Variants in DYNC1I2 observed in about 807,000 individuals in gnomAD.
DYNC1I2 encodes cytoplasmic dynein 1 intermediate chain 2.
A neutral mutation model predicts 88.6 loss-of-function variants in DYNC1I2; 53 were observed. The ratio of observed to expected loss-of-function variants is 0.60; its 90% CI spans 0.48 to 0.75. The LOEUF is 0.75. DYNC1I2 is among the 30% of genes least tolerant of loss of function. DYNC1I2 has a pLI of 0.00. For missense variants in DYNC1I2, 458 were observed against 766.6 expected (o/e 0.60, Z 4.75); for synonymous variants, 198 against 254.6 (o/e 0.78, Z 2.12).
At chr2:171,689,056 G>A (rs1032700044) in intron 1 of DYNC1I2, among the ~76,000 whole-genome samples, 4 of 152,052 alleles carry the variant, frequency 2.6e-5, no homozygotes, top group Non-Finnish European at 5.9e-5. Flanking sequence ...TCAAGCTGAA[G>A]TAGTGTTTAT....
At chr2:171,717,309 T>G (rs934243618) in intron 7 of DYNC1I2, among the ~76,000 whole-genome samples, 6 of 152,034 alleles carry the variant, frequency 3.9e-5, no homozygotes, top group Non-Finnish European at 8.8e-5. Context: ...GAGATAGGGT[T>G]TCACCATGTT....
intron 3 of DYNC1I2, among the ~76,000 whole-genome samples, chr2:171,701,270 A>C (rs1686237984): frequency 6.6e-6 from 1 of 152,134 alleles, no homozygotes; most frequent in Non-Finnish European, 1.5e-5. Flanking sequence ...CCCAGGTTCA[A>C]GCAATTCCCC....
chr2:171,704,498 G>A (rs116539725), intron 3 of DYNC1I2, among the ~76,000 whole-genome samples: 1 of 152,006 alleles, frequency 6.6e-6, no homozygotes, highest in Non-Finnish European at 1.5e-5. Context: ...GGCTGTTTAT[G>A]TGCAGAACTG....
chr2:171,739,967 C>T (rs575161392), intron 15 of DYNC1I2, among the ~76,000 whole-genome samples: 14 of 152,178 alleles, frequency 9.2e-5, no homozygotes, highest in African/African-American at 2.4e-4. Flanking sequence ...CAGCCCTCCT[C>T]GGCTTTCCAA....
chr2:171,709,473 A>G (rs1335920408), intron 5 of DYNC1I2, among the ~76,000 whole-genome samples: 1 of 152,226 alleles, frequency 6.6e-6, no homozygotes, highest in Non-Finnish European at 1.5e-5. Flanking sequence ...TTGCTTTCAT[A>G]GAATTTACAT....
intron 3 of DYNC1I2, among the ~76,000 whole-genome samples, chr2:171,697,417 C>G (rs1229227931): frequency 6.6e-6 from 1 of 152,192 alleles, no homozygotes; most frequent in East Asian, 1.9e-4. Context: ...GGTTTGTAGA[C>G]TGTCTCCCCT....
chr2:171,724,801 A>G (rs905188477), intron 7 of DYNC1I2, among the ~76,000 whole-genome samples: 1 of 152,244 alleles, frequency 6.6e-6, no homozygotes. Context: ...GTGTGTAGCA[A>G]AAGAAAAGGT....
chr2:171,700,867 G>A (rs1019747506), intron 3 of DYNC1I2, among the ~76,000 whole-genome samples: 3 of 152,034 alleles, frequency 2.0e-5, no homozygotes, highest in African/African-American at 2.4e-5. Context: ...TCCTGACCTC[G>A]TGATCCACCC....
intron 15 of DYNC1I2, among the ~76,000 whole-genome samples, chr2:171,738,963 A>ACATGGTGAAACCCCAT (rs1427390853): frequency 1.3e-5 from 2 of 152,168 alleles, no homozygotes; most frequent in Non-Finnish European, 2.9e-5. Flanking sequence ...AGCCTGGCCA[A>ACATGGTGAAACCCCAT]CATGGTGAAA....
intron 15 of DYNC1I2, among the ~76,000 whole-genome samples, chr2:171,738,081 C>T (rs1403555469): frequency 1.3e-5 from 2 of 151,858 alleles, no homozygotes; most frequent in Non-Finnish European, 2.9e-5. Context: ...ACTGTAATTC[C>T]AGCACTTTGG....
At chr2:171,746,655 G>A (rs1394867720) in intron 17 of DYNC1I2, among the ~76,000 whole-genome samples, 1 of 152,110 alleles carries the variant, frequency 6.6e-6, no homozygotes, top group African/African-American at 2.4e-5. Flanking sequence ...TTCTGTACCT[G>A]CACTAATATG....
chr2:171,726,447 T>C (rs1267833106), intron 10 of DYNC1I2, 154 bp downstream of exon 10: 13 of 604,534 alleles, frequency 2.2e-5, no homozygotes, highest in Admixed American at 3.6e-5. Flanking sequence ...ACTCATCTTA[T>C]GTACTTTGGA....
intron 15 of DYNC1I2, among the ~76,000 whole-genome samples, chr2:171,742,598 C>A (rs1234969522): frequency 6.6e-6 from 1 of 152,138 alleles, no homozygotes; most frequent in Non-Finnish European, 1.5e-5. Context: ...AGATCCTTTT[C>A]TTTGCTATTG....
intron 15 of DYNC1I2, among the ~76,000 whole-genome samples, chr2:171,732,356 C>G (rs10204502): frequency 0.29 from 43,747 of 151,858 alleles, 6,564 homozygotes; most frequent in African/African-American, 0.37. Flanking sequence ...AAAACTCCAC[C>G]TGAAAAAGTA....
intron 3 of DYNC1I2, among the ~76,000 whole-genome samples, chr2:171,704,990 C>T (rs1269072124): frequency 6.6e-6 from 1 of 151,924 alleles, no homozygotes; most frequent in African/African-American, 2.4e-5. Flanking sequence ...AGCTAAGAGT[C>T]CTTTATAGAG....
At chr2:171,734,138 C>G (rs568419422) in intron 15 of DYNC1I2, among the ~76,000 whole-genome samples, 5 of 152,102 alleles carry the variant, frequency 3.3e-5, no homozygotes, top group Non-Finnish European at 7.4e-5. Context: ...GTTCCCTATT[C>G]TGTTCCCAGT....
chr2:171,699,782 A>G (rs141198542), intron 3 of DYNC1I2, among the ~76,000 whole-genome samples: 13 of 151,588 alleles, frequency 8.6e-5, no homozygotes, highest in Non-Finnish European at 1.8e-4. Context: ...GACTACAGGC[A>G]GGTATCACTA....
intron 7 of DYNC1I2, among the ~76,000 whole-genome samples, chr2:171,721,376 A>G (rs963698405): frequency 2.0e-5 from 3 of 152,166 alleles, no homozygotes; most frequent in Non-Finnish European, 2.9e-5. Context: ...TGATAGATTC[A>G]TGAAACTTTG....
chr2:171,730,357 T>TAAAA (rs775694452), intron 15 of DYNC1I2, among the ~76,000 whole-genome samples: 4 of 152,236 alleles, frequency 2.6e-5, no homozygotes, highest in Non-Finnish European at 2.9e-5. Context: ...AAGCATTGTG[T>TAAAA]AAAAGCATGG....
Sources: allele counts gnomAD v4.1 joint callset (sites outside exome capture counted in the v4.1 genomes callset), GRCh38; gene constraint gnomAD v4.1.1; transcripts MANE v1.5; gene names NCBI Gene and HGNC (gene_info 2026-07-23, HGNC 2026-07-21).